RBMS3: variants seen among roughly 807,000 people sequenced by gnomAD.
The protein encoded by RBMS3 is RNA-binding motif, single-stranded-interacting protein 3.
A neutral mutation model predicts 66.8 loss-of-function variants in RBMS3; 27 were observed. That is an observed-to-expected ratio of 0.40 (90% CI 0.30 to 0.56). The LOEUF is 0.56. RBMS3 is among the 20% of genes least tolerant of loss of function. The pLI, the probability that RBMS3 is intolerant of heterozygous loss-of-function variation, is 0.40. For synonymous variants in RBMS3, 188 were observed against 183.0 expected (o/e 1.03, Z -0.22); for missense variants, 513 against 549.5 (o/e 0.93, Z 0.66).
chr3:29,937,447 T>C (rs561724551), intron 11 of RBMS3, among the ~76,000 whole-genome samples: 1 of 152,142 alleles, frequency 6.6e-6, no homozygotes, highest in South Asian at 2.1e-4. Flanking sequence ...TTTAAGAATA[T>C]AAGAAGTTAC....
At position 30,006,644 on chromosome 3, in the gene RBMS3, C is replaced by G. The variant is rs1318117212; in HGVS notation, c.*2782C>G. Reference sequence around the variant, plus strand: ...ATATTTTCTGTTTCTCTTTTTCACTCTCTAAACTCTTTTTGTATAAATAAG... The same window carrying G: ...ATATTTTCTGTTTCTCTTTTTCACTGTCTAAACTCTTTTTGTATAAATAAG... On this transcript the variant is annotated 3_prime_UTR_variant, in exon 15 of 15. Transcript: ENST00000383767. The G allele has an allele frequency of 2.0e-5, 3 of 151,852 alleles. No individual in the cohort carries two copies. The highest frequency in any genetic ancestry group is 1.3e-4 in the Admixed American group (2 of 15,232). The allele number at this position is 151,852 out of a possible 1,614,324, so 9.4% of individuals were successfully genotyped here.
At chr3:29,897,557 T>A in intron 9 of RBMS3, 82 bp downstream of exon 9, 3 of 1,310,136 alleles carry the variant, frequency 2.3e-6, no homozygotes, top group African/African-American at 1.5e-5. Context: ...CACAGTAGAA[T>A]GAAAAGAAAA....
At chr3:29,790,126 T>C (rs1250526019) in intron 6 of RBMS3, among the ~76,000 whole-genome samples, 3 of 152,194 alleles carry the variant, frequency 2.0e-5, no homozygotes, top group Non-Finnish European at 4.4e-5. Flanking sequence ...TAAACACATT[T>C]TTACAGAAGT....
At chr3:29,426,567 A>C (rs2040968066) in intron 1 of RBMS3, among the ~76,000 whole-genome samples, 1 of 152,234 alleles carries the variant, frequency 6.6e-6, no homozygotes, top group African/African-American at 2.4e-5. Context: ...ACAGAATTTT[A>C]ATAAAAACTC....
At chr3:29,654,262 AT>A in intron 4 of RBMS3, among the ~76,000 whole-genome samples, 1 of 152,270 alleles carries the variant, frequency 6.6e-6, no homozygotes, top group East Asian at 1.9e-4. Context: ...GTAGGGAGAG[AT>A]TTGGTGATGA....
Position 29,991,038 on chromosome 3 carries a change from C to T in RBMS3, c.1180-44C>T, listed in dbSNP as rs147661357. On this transcript the variant is annotated intron_variant, in intron 13 of 14. Transcript: ENST00000383767. ...TACAGCCTATCTAGAGAGGGCCCTTCACTGAAGCAAGTAAGGCTTTTATGT... is the reference window on the plus strand; with the variant it reads ...TACAGCCTATCTAGAGAGGGCCCTTTACTGAAGCAAGTAAGGCTTTTATGT... 1,327 of 1,594,934 alleles carry T rather than the reference C, an allele frequency of 8.3e-4. 7 individuals are homozygous for T. The African/African-American group carries it at 0.015, about 18-fold the overall frequency.
chr3:29,501,953 T>G (rs1478275585), intron 3 of RBMS3, among the ~76,000 whole-genome samples: 1 of 152,096 alleles, frequency 6.6e-6, no homozygotes, highest in Non-Finnish European at 1.5e-5. Flanking sequence ...ATATTTATAC[T>G]AACATACTCT....
At chr3:29,730,921 G>A in intron 4 of RBMS3, 18 of 985,374 alleles carry the variant, frequency 1.8e-5, no homozygotes, top group Non-Finnish European at 2.2e-5. Context: ...GATAACTGGT[G>A]ATACTGAGCT....
chr3:29,727,385 G>T (rs941414139), intron 4 of RBMS3, among the ~76,000 whole-genome samples: 1 of 152,122 alleles, frequency 6.6e-6, no homozygotes, highest in Non-Finnish European at 1.5e-5. Context: ...TCAAACTAAA[G>T]AGCTTCTGCA....
intron 6 of RBMS3, among the ~76,000 whole-genome samples, chr3:29,816,461 A>T (rs893721957): frequency 6.6e-6 from 1 of 152,026 alleles, no homozygotes; most frequent in Non-Finnish European, 1.5e-5. Flanking sequence ...GTTGGTGAAC[A>T]TTTCAGCAAG....
chr3:29,733,810 A>T (rs2054243536), intron 4 of RBMS3, among the ~76,000 whole-genome samples: 1 of 152,092 alleles, frequency 6.6e-6, no homozygotes. Context: ...ATCCACAAAA[A>T]ATCTTTGTCC....
chr3:29,350,275 C>A (rs1487229417), intron 1 of RBMS3, among the ~76,000 whole-genome samples: 1 of 151,688 alleles, frequency 6.6e-6, no homozygotes, highest in Admixed American at 6.6e-5. Context: ...ACTGTTCCTG[C>A]TAGTTAGCAT....
Position 29,863,586 on chromosome 3 carries a change from C to CA in RBMS3, c.638-5269dup, listed in dbSNP as rs752973141. Among the ~76,000 whole-genome samples, 10 of 152,052 alleles carry CA rather than the reference C, an allele frequency of 6.6e-5. No homozygotes were observed. The South Asian group carries it at 1.5e-3, about 22-fold the overall frequency. On this transcript the variant is annotated intron_variant, in intron 6 of 14. Coordinates refer to ENST00000383767, the MANE Select transcript of RBMS3 (RefSeq NM_001003793.3). ...AGCCTAACTGCTTATACAGATCCCCCAAATATCAGGGTGGCTAAATTTTTA... is the reference window on the plus strand; with the variant it reads ...AGCCTAACTGCTTATACAGATCCCCCAAAATATCAGGGTGGCTAAATTTTTA...
intron 4 of RBMS3, among the ~76,000 whole-genome samples, chr3:29,599,201 A>T (rs2048064079): frequency 6.6e-6 from 1 of 150,972 alleles, no homozygotes; most frequent in East Asian, 1.9e-4. Context: ...ATAATAGGGT[A>T]TCTGTAGCCA....
At chr3:29,408,893 A>T (rs2040143066) in intron 1 of RBMS3, among the ~76,000 whole-genome samples, 1 of 152,140 alleles carries the variant, frequency 6.6e-6, no homozygotes. Context: ...GCCAACTTAA[A>T]ATTCCTTTCT....
At chr3:29,920,164 A>T (rs2060735401) in intron 10 of RBMS3, among the ~76,000 whole-genome samples, 1 of 152,168 alleles carries the variant, frequency 6.6e-6, no homozygotes, top group African/African-American at 2.4e-5. Flanking sequence ...TTATAATCAA[A>T]CCAGATCAAG....
At chr3:29,992,325 G>A (rs200565412) in intron 14 of RBMS3, among the ~76,000 whole-genome samples, 1 of 152,126 alleles carries the variant, frequency 6.6e-6, no homozygotes, top group Non-Finnish European at 1.5e-5. Context: ...AGTGGCTCAC[G>A]CCTGTAATCC....
chr3:29,447,760 C>A (rs542806140), intron 2 of RBMS3, among the ~76,000 whole-genome samples: 1 of 152,248 alleles, frequency 6.6e-6, no homozygotes, highest in South Asian at 2.1e-4. Flanking sequence ...TGATTTTTTA[C>A]GCTGTACTGA....
chr3:29,530,425 A>G (rs2045307225), intron 3 of RBMS3, among the ~76,000 whole-genome samples: 1 of 152,228 alleles, frequency 6.6e-6, no homozygotes, highest in South Asian at 2.1e-4. Flanking sequence ...CTAAAAAAAT[A>G]CAATTTGTAA....
Sources: gnomAD v4.1 joint callset for allele counts (sites outside exome capture counted in the v4.1 genomes callset) on GRCh38, gnomAD v4.1.1 for gene constraint, MANE v1.5 for transcripts, NCBI Gene and HGNC (gene_info 2026-07-23, HGNC 2026-07-21) for gene names.